SAXO1: variants seen among roughly 807,000 people sequenced by gnomAD.
The protein encoded by SAXO1 is stabilizer of axonemal microtubules 1, also known as 4930500O09Rik.
In SAXO1, 21 loss-of-function variants were observed where a neutral mutation model predicts 17.5. That is an observed-to-expected ratio of 1.20 (90% CI 0.85 to 1.72). The LOEUF (loss-of-function observed/expected upper bound fraction) is 1.72, where lower values mean the gene tolerates loss of function less well. Ranked by LOEUF, SAXO1 falls within the 40% of genes most tolerant of loss-of-function variation. The pLI, the probability that SAXO1 is intolerant of heterozygous loss-of-function variation, is 0.00. For missense variants in SAXO1, 843 were observed against 596.0 expected, an observed-to-expected ratio of 1.41 and a Z score of -4.32; for synonymous variants, 274 against 216.5, an observed-to-expected ratio of 1.27 and a Z score of -2.33.
At chr9:19,031,509 C>T (rs564931873) in intron 1 of SAXO1, among the ~76,000 whole-genome samples, 65 of 152,302 alleles carry the variant, frequency 4.3e-4, no homozygotes, top group Non-Finnish European at 2.5e-4. Context: ...TGCAGTGAAG[C>T]GAGATGGCAC....
chr9:19,026,229 C>G (rs973876959), intron 1 of SAXO1, among the ~76,000 whole-genome samples: 8 of 152,046 alleles, frequency 5.3e-5, no homozygotes, highest in African/African-American at 1.9e-4. Context: ...GAAATATGTA[C>G]AATCATTATG....
intron 1 of SAXO1, among the ~76,000 whole-genome samples, chr9:18,998,599 C>T (rs1834110729): frequency 6.6e-6 from 1 of 152,110 alleles, no homozygotes; most frequent in African/African-American, 2.4e-5. Context: ...CATTCAAATT[C>T]AGGAAGTACA....
chr9:19,014,554 C>G lies in SAXO1; in HGVS notation c.38+18317G>C, dbSNP rs117152600. Among the ~76,000 whole-genome samples the G allele has an allele frequency of 6.7e-5, 10 of 150,362 alleles. No individual in the cohort carries two copies. The South Asian group carries it at 1.7e-3, about 25-fold the overall frequency. On this transcript the variant is annotated intron_variant, in intron 1 of 3. Coordinates refer to ENST00000380534, the MANE Select transcript of SAXO1 (RefSeq NM_153707.4). ...ATAGGAGTTTTAGAAAAATTGCTATCGGAAATATCACTGACTAGCCCCAGA... is the reference window on the plus strand; with the variant it reads ...ATAGGAGTTTTAGAAAAATTGCTATGGGAAATATCACTGACTAGCCCCAGA...
chr9:18,983,133 T>G (rs1390284502), intron 1 of SAXO1, among the ~76,000 whole-genome samples: 1 of 152,184 alleles, frequency 6.6e-6, no homozygotes, highest in South Asian at 2.1e-4. Context: ...TCCATTTTCA[T>G]ACCACTATAA....
chr9:18,978,600 G>C (rs1265302808), intron 1 of SAXO1, among the ~76,000 whole-genome samples: 1 of 152,222 alleles, frequency 6.6e-6, no homozygotes, highest in African/African-American at 2.4e-5. Flanking sequence ...TGCACTCGCA[G>C]ATGCCCCACT....
intron 1 of SAXO1, 72 bp downstream of exon 1, chr9:19,032,799 G>T (rs1835822855): frequency 1.3e-6 from 2 of 1,542,128 alleles, no homozygotes; most frequent in East Asian, 2.3e-5. Flanking sequence ...AAGCAGCTGG[G>T]GGAGGCTTCC....
chr9:19,005,329 G>GA (rs373221240), intron 1 of SAXO1, among the ~76,000 whole-genome samples: 101 of 147,842 alleles, frequency 6.8e-4, no homozygotes, highest in African/African-American at 2.1e-3. Flanking sequence ...TAATCTTGGA[G>GA]AAAAAAAAAA....
rs535915743 is a variant in SAXO1, at chr9:19,002,652, A to G, written c.38+30219T>C. Among the ~76,000 whole-genome samples the G allele has an allele frequency of 3.0e-3, 461 of 152,362 alleles. 8 individuals are homozygous for G. In the South Asian group the frequency reaches 0.045, roughly 15 times the overall value. On this transcript the variant is annotated intron_variant, in intron 1 of 3. Coordinates refer to ENST00000380534, the MANE Select transcript of SAXO1 (RefSeq NM_153707.4). Reference sequence around the variant, plus strand: ...AACCAAAGACAAAAACCACATGATTATCTCAATAGATGCAGAAAAGGCCTT... The same window carrying G: ...AACCAAAGACAAAAACCACATGATTGTCTCAATAGATGCAGAAAAGGCCTT...
At chr9:18,993,289 G>T (rs1209448354) in intron 1 of SAXO1, among the ~76,000 whole-genome samples, 2 of 131,330 alleles carry the variant, frequency 1.5e-5, no homozygotes, top group Non-Finnish European at 3.2e-5. Context: ...CCCCCAGATA[G>T]GCCCCGATGT....
chr9:19,024,939 T>C (rs550852370), intron 1 of SAXO1, among the ~76,000 whole-genome samples: 1 of 152,314 alleles, frequency 6.6e-6, no homozygotes, highest in Admixed American at 6.5e-5. Context: ...TCTGAACGGA[T>C]CCATCTGCAG....
chr9:19,027,002 G>C (rs542496098), intron 1 of SAXO1: 1 of 878,686 alleles, frequency 1.1e-6, no homozygotes, highest in South Asian at 1.3e-5. Flanking sequence ...GTGAGATCAA[G>C]ATCATGAAGA....
intron 2 of SAXO1, among the ~76,000 whole-genome samples, chr9:18,943,578 A>C (rs1252885492): frequency 1.3e-5 from 2 of 151,846 alleles, no homozygotes; most frequent in Non-Finnish European, 2.9e-5. Context: ...TCTTGGTCAG[A>C]AAGTGTACAT....
chr9:18,967,351 C>T (rs1296260452), intron 1 of SAXO1, among the ~76,000 whole-genome samples: 1 of 152,136 alleles, frequency 6.6e-6, no homozygotes, highest in Non-Finnish European at 1.5e-5. Flanking sequence ...TCCACAGCCA[C>T]CCCTTCCCCC....
rs1483356603 is a variant in SAXO1 at position 18,928,336 on chromosome 9, G to A, written c.1141C>T (p.His381Tyr). ...LTTTRAHYVP[H>Y]LPINTKSCKP... is the part of the protein sequence containing the mutation. ...CAGCTTTTGGTATTGATAGGCAGGT[G>A]GGGCACATAGTGGGCCCGAGTGGTG... The change falls in exon 4 of 4, where the codon CAC (histidine) becomes TAC (tyrosine). Residue 381 changes from histidine to tyrosine, a missense_variant. His to Tyr is a moderately conservative substitution (Grantham distance 83, BLOSUM62 2). Transcript: ENST00000380534. 1.2e-6 allele frequency: 2 copies of A among 1,613,438 alleles called. No homozygotes were observed. The highest frequency in any genetic ancestry group is 8.5e-7 in the Non-Finnish European group (1 of 1,179,784).
chr9:19,013,187 C>T (rs1234127662), intron 1 of SAXO1, among the ~76,000 whole-genome samples: 5 of 151,826 alleles, frequency 3.3e-5, no homozygotes, highest in African/African-American at 9.7e-5. Context: ...GCCAAAAGGC[C>T]GAGAAGCGAT....
intron 1 of SAXO1, among the ~76,000 whole-genome samples, chr9:18,966,027 T>C (rs185128211): frequency 3.9e-5 from 6 of 152,348 alleles, no homozygotes; most frequent in African/African-American, 1.4e-4. Context: ...GGCTATGAAA[T>C]ACTGGGTTGA....
chr9:19,013,218 A>G (rs1485037173), intron 1 of SAXO1, among the ~76,000 whole-genome samples: 2 of 152,202 alleles, frequency 1.3e-5, no homozygotes, highest in African/African-American at 4.8e-5. Flanking sequence ...ATAACAGCAC[A>G]AGGCATAAGG....
At chr9:18,989,029 AT>A (rs1393797828) in intron 1 of SAXO1, among the ~76,000 whole-genome samples, 1 of 152,128 alleles carries the variant, frequency 6.6e-6, no homozygotes, top group Non-Finnish European at 1.5e-5. Flanking sequence ...AAGAAGTAAG[AT>A]CATTTTACTT....
intron 1 of SAXO1, among the ~76,000 whole-genome samples, chr9:18,954,635 C>T (rs1289849069): frequency 6.6e-6 from 1 of 152,070 alleles, no homozygotes; most frequent in Admixed American, 6.6e-5. Flanking sequence ...CCACACCTAG[C>T]CTAGAATCAC....
Sources: allele counts gnomAD v4.1 joint callset (sites outside exome capture counted in the v4.1 genomes callset), GRCh38; gene constraint gnomAD v4.1.1; transcripts MANE v1.5; gene names NCBI Gene and HGNC (gene_info 2026-07-23, HGNC 2026-07-21).